CSMD3: variants seen among roughly 807,000 people sequenced by gnomAD.
The protein encoded by CSMD3 is CUB and sushi domain-containing protein 3.
CSMD3 carries 177 observed loss-of-function variants against 435.2 expected under a neutral mutation model. The ratio of observed to expected loss-of-function variants is 0.41; its 90% confidence interval spans 0.36 to 0.46. CSMD3 has a LOEUF of 0.46. CSMD3 is among the 20% of genes least tolerant of loss of function. The pLI, the probability that CSMD3 is intolerant of heterozygous loss-of-function variation, is 0.34. For synonymous variants in CSMD3, 1,656 were observed against 1,520.5 expected, an observed-to-expected ratio of 1.09 and a Z score of -2.07; for missense variants, 4,265 against 4,504.6, an observed-to-expected ratio of 0.95 and a Z score of 1.52.
At chr8:112,542,308 A>C (rs1586643407) in intron 27 of CSMD3, among the ~76,000 whole-genome samples, 1 of 150,616 alleles carries the variant, frequency 6.6e-6, no homozygotes, top group African/African-American at 2.4e-5. Flanking sequence ...TCCTGGCCAG[A>C]GCAGTTTAGG....
At chr8:112,972,056 C>A (rs950362112) in intron 7 of CSMD3, among the ~76,000 whole-genome samples, 11 of 151,796 alleles carry the variant, frequency 7.2e-5, no homozygotes, top group Non-Finnish European at 1.5e-4. Context: ...TGTTAATTCA[C>A]TTAATTAACA....
At chr8:112,910,707 T>C (rs2082387073) in intron 10 of CSMD3, among the ~76,000 whole-genome samples, 1 of 151,898 alleles carries the variant, frequency 6.6e-6, no homozygotes, top group African/African-American at 2.4e-5. Flanking sequence ...CCTCATTGCA[T>C]GTCCTTTTCC....
At chr8:113,020,929 A>C (rs549602264) in intron 5 of CSMD3, among the ~76,000 whole-genome samples, 1 of 152,330 alleles carries the variant, frequency 6.6e-6, no homozygotes, top group Admixed American at 6.5e-5. Context: ...CTGAAAACCC[A>C]ACTTTCCTAA....
intron 1 of CSMD3, among the ~76,000 whole-genome samples, chr8:113,423,432 A>G (rs1239964297): frequency 6.6e-6 from 1 of 152,020 alleles, no homozygotes; most frequent in Non-Finnish European, 1.5e-5. Context: ...CAAGCAGTCC[A>G]TGTTATGATA....
chr8:113,143,114 T>A (rs971647141), intron 4 of CSMD3, among the ~76,000 whole-genome samples: 2 of 150,818 alleles, frequency 1.3e-5, no homozygotes, highest in African/African-American at 4.9e-5. Flanking sequence ...CAAAACTCAA[T>A]GATAAAACAA....
At chr8:112,994,179 C>T (rs1468216407) in intron 6 of CSMD3, among the ~76,000 whole-genome samples, 1 of 151,726 alleles carries the variant, frequency 6.6e-6, no homozygotes, top group Non-Finnish European at 1.5e-5. Context: ...TACTTGATTT[C>T]TTCTAAATAT....
At chr8:112,719,563 A>T (rs2131961449) in intron 13 of CSMD3, among the ~76,000 whole-genome samples, 1 of 152,194 alleles carries the variant, frequency 6.6e-6, no homozygotes, top group African/African-American at 2.4e-5. Flanking sequence ...AGACAGACGG[A>T]GATTTCACGT....
chr8:112,258,985 G>A (rs945549706), intron 61 of CSMD3, among the ~76,000 whole-genome samples: 2 of 152,000 alleles, frequency 1.3e-5, no homozygotes, highest in African/African-American at 2.4e-5. Flanking sequence ...CTTGCAGTGA[G>A]CCGAGATCGT....
At chr8:112,644,733 T>G (rs141705794) in intron 20 of CSMD3, among the ~76,000 whole-genome samples, 18 of 152,184 alleles carry the variant, frequency 1.2e-4, no homozygotes, top group African/African-American at 4.1e-4. Context: ...GCTTTAAAAA[T>G]TGGCTTAGCA....
At chr8:112,262,241 C>G (rs1449884133) in intron 61 of CSMD3, among the ~76,000 whole-genome samples, 2 of 152,030 alleles carry the variant, frequency 1.3e-5, no homozygotes, top group Admixed American at 1.3e-4. Flanking sequence ...CATTCTTTCC[C>G]TACTGACTTG....
intron 9 of CSMD3, among the ~76,000 whole-genome samples, chr8:112,945,103 T>C (rs1268003618): frequency 1.3e-5 from 2 of 151,616 alleles, no homozygotes; most frequent in Non-Finnish European, 3.0e-5. Context: ...TGTTCACACT[T>C]TATTAAACAT....
intron 24 of CSMD3, among the ~76,000 whole-genome samples, chr8:112,559,770 C>G (rs1164436686): frequency 1.3e-5 from 2 of 151,788 alleles, no homozygotes; most frequent in Non-Finnish European, 2.9e-5. Flanking sequence ...ATAGTTTCTT[C>G]TGTTTTTAAT....
At chr8:113,368,492 A>C in intron 1 of CSMD3, among the ~76,000 whole-genome samples, 1 of 152,174 alleles carries the variant, frequency 6.6e-6, no homozygotes, top group African/African-American at 2.4e-5. Flanking sequence ...TTTTGCAGTA[A>C]GTTTCCTAGA....
chr8:112,869,752 A>G (rs1388895051), intron 10 of CSMD3, among the ~76,000 whole-genome samples: 5 of 152,220 alleles, frequency 3.3e-5, no homozygotes, highest in Non-Finnish European at 1.5e-5. Flanking sequence ...TGAAGCTGGA[A>G]GCCATAATTC....
At chr8:113,389,748 A>G (rs1250360875) in intron 1 of CSMD3, among the ~76,000 whole-genome samples, 1 of 151,786 alleles carries the variant, frequency 6.6e-6, no homozygotes, top group East Asian at 1.9e-4. Context: ...GTGACAAACT[A>G]TCTCAGTTTA....
chr8:113,370,474 C>A (rs2133047700), intron 1 of CSMD3, among the ~76,000 whole-genome samples: 1 of 151,158 alleles, frequency 6.6e-6, no homozygotes, highest in African/African-American at 2.4e-5. Context: ...AGCTTAACTT[C>A]ACAAAAAGGC....
intron 42 of CSMD3, among the ~76,000 whole-genome samples, chr8:112,338,809 C>A (rs1824816919): frequency 6.6e-6 from 1 of 151,926 alleles, no homozygotes; most frequent in African/African-American, 2.4e-5. Flanking sequence ...AGTTCTTATT[C>A]CAACTTAAGA....
intron 31 of CSMD3, among the ~76,000 whole-genome samples, chr8:112,491,606 G>A (rs1008472886): frequency 3.9e-5 from 6 of 152,134 alleles, no homozygotes; most frequent in East Asian, 1.9e-4. Context: ...CCCGGATCAC[G>A]CCACTGCACT....
intron 3 of CSMD3, among the ~76,000 whole-genome samples, chr8:113,196,282 T>C (rs2092654947): frequency 1.3e-5 from 2 of 151,244 alleles, no homozygotes; most frequent in African/African-American, 4.8e-5. Context: ...GCTCTTCAAT[T>C]ATGCATAAAA....
Sources: allele counts gnomAD v4.1 joint callset (sites outside exome capture counted in the v4.1 genomes callset), GRCh38; gene constraint gnomAD v4.1.1; transcripts MANE v1.5; gene names NCBI Gene and HGNC (gene_info 2026-07-23, HGNC 2026-07-21).